STXBP6: variants seen among roughly 807,000 people sequenced by gnomAD.
STXBP6 encodes the protein syntaxin-binding protein 6.
STXBP6 carries 21 observed loss-of-function variants against 26.9 expected under a neutral mutation model. The ratio of observed to expected loss-of-function variants is 0.78; its 90% CI spans 0.55 to 1.12. STXBP6 has a LOEUF of 1.12. Among genes scored for constraint, STXBP6 ranks in the 50% most tolerant of loss-of-function variants. The probability of loss-of-function intolerance (pLI) is 0.00; values close to 1 mark genes in which losing one functional copy is unlikely to be tolerated. For missense variants in STXBP6, 232 were observed against 257.9 expected (o/e 0.90, Z 0.69); for synonymous variants, 97 against 92.6 (o/e 1.05, Z -0.27).
At chr14:24,946,992 T>C (rs9671261) in intron 2 of STXBP6, among the ~76,000 whole-genome samples, 18,340 of 152,054 alleles carry the variant, frequency 0.12, 1,404 homozygotes, top group East Asian at 0.38. Flanking sequence ...AAAAGCTACA[T>C]AGCATGAGTT....
chr14:24,976,852 CTTTTT>C (rs71121808), intron 1 of STXBP6, among the ~76,000 whole-genome samples: 80 of 45,274 alleles, frequency 1.8e-3, no homozygotes, highest in African/African-American at 8.2e-3. Context: ...ACTGGGCGCT[CTTTTT>C]TTTTTTTTTT....
At chr14:24,822,595 C>A (rs527773905) in intron 4 of STXBP6, among the ~76,000 whole-genome samples, 1 of 152,242 alleles carries the variant, frequency 6.6e-6, no homozygotes, top group East Asian at 1.9e-4. Flanking sequence ...GTGGGTTGTG[C>A]CATTTACCTC....
intron 4 of STXBP6, among the ~76,000 whole-genome samples, chr14:24,826,873 T>C (rs911358537): frequency 2.0e-5 from 3 of 152,216 alleles, no homozygotes; most frequent in Non-Finnish European, 2.9e-5. Flanking sequence ...TATGAGCCTA[T>C]GCTTTTTCAT....
At chr14:24,901,781 T>G (rs1040538568) in intron 2 of STXBP6, among the ~76,000 whole-genome samples, 11 of 145,310 alleles carry the variant, frequency 7.6e-5, no homozygotes, top group African/African-American at 2.8e-4. Flanking sequence ...ACTCTGTGAT[T>G]CCACCTATTT....
intron 4 of STXBP6, among the ~76,000 whole-genome samples, chr14:24,840,468 C>T (rs1396752441): frequency 1.3e-5 from 2 of 152,240 alleles, no homozygotes; most frequent in Non-Finnish European, 2.9e-5. Flanking sequence ...GTTTAGCCTT[C>T]TTGCCTTGCT....
chr14:24,952,270 T>G (rs568513074), intron 2 of STXBP6, among the ~76,000 whole-genome samples: 2 of 151,134 alleles, frequency 1.3e-5, no homozygotes, highest in Non-Finnish European at 3.0e-5. Flanking sequence ...TTCAGGCTGC[T>G]CTGCTTAGGG....
At chr14:24,990,754 A>G (rs1402603854) in intron 1 of STXBP6, among the ~76,000 whole-genome samples, 2 of 151,940 alleles carry the variant, frequency 1.3e-5, no homozygotes, top group Non-Finnish European at 2.9e-5. Flanking sequence ...AAGGTCAGTT[A>G]TGCAGAAAGA....
chr14:24,899,799 AG>A (rs757049045), intron 2 of STXBP6, among the ~76,000 whole-genome samples: 10 of 95,162 alleles, frequency 1.1e-4, no homozygotes, highest in Admixed American at 1.5e-4. Context: ...AAAAAAAAAA[AG>A]CAAAAAAAAA....
chr14:24,974,709 G>T lies in STXBP6; in HGVS notation c.110C>A (p.Ala37Glu), dbSNP rs1269182378. The part of the protein sequence containing the change: ...RRTKKKIPFL[A>E]TGGQGEYLTY... ...TAAATATTCGCCTTGACCTCCAGTT[G>T]CCAAGAAAGGAATCTTTTTCTTTGT... is the stretch of plus-strand genomic sequence containing the variant. The change falls in exon 2 of 6, where the codon GCA becomes GAA. Residue 37 changes from alanine to glutamate, a missense_variant. By Grantham distance (107) the Ala-to-Glu change is moderately radical. Transcript: ENST00000323944. 5 of 1,568,722 alleles carry T rather than the reference G, an allele frequency of 3.2e-6. No individual in the cohort carries two copies. The African/African-American group carries it at 6.8e-5, about 21-fold the overall frequency.
At chr14:25,011,103 A>C (rs1229534657) in intron 1 of STXBP6, among the ~76,000 whole-genome samples, 1 of 152,236 alleles carries the variant, frequency 6.6e-6, no homozygotes, top group African/African-American at 2.4e-5. Context: ...TGCAAAATGA[A>C]TTTGTCTATA....
chr14:24,909,751 T>G (rs2071504976), intron 2 of STXBP6, among the ~76,000 whole-genome samples: 1 of 151,268 alleles, frequency 6.6e-6, no homozygotes, highest in African/African-American at 2.4e-5. Flanking sequence ...AGTCTTGCTC[T>G]GCTACCCAGG....
intron 2 of STXBP6, among the ~76,000 whole-genome samples, chr14:24,883,456 G>A (rs1258483225): frequency 1.3e-5 from 2 of 151,892 alleles, no homozygotes; most frequent in East Asian, 1.9e-4. Flanking sequence ...CTATTACTTT[G>A]GTAATTAAAA....
chr14:24,981,820 G>A (rs925568607), intron 1 of STXBP6, among the ~76,000 whole-genome samples: 1 of 152,048 alleles, frequency 6.6e-6, no homozygotes, highest in African/African-American at 2.4e-5. Flanking sequence ...AATCTTCATT[G>A]GTTAAATACA....
chr14:24,813,827 C>T (rs952356736), intron 5 of STXBP6, among the ~76,000 whole-genome samples: 1 of 152,226 alleles, frequency 6.6e-6, no homozygotes, highest in African/African-American at 2.4e-5. Context: ...TCTTCTCTTT[C>T]TCTTCTTGAC....
intron 2 of STXBP6, among the ~76,000 whole-genome samples, chr14:24,934,786 A>G (rs910367572): frequency 2.0e-5 from 3 of 152,170 alleles, no homozygotes; most frequent in Non-Finnish European, 4.4e-5. Context: ...ATTTGTTTAT[A>G]AAATCAATAA....
intron 4 of STXBP6, among the ~76,000 whole-genome samples, chr14:24,824,427 A>G (rs989866864): frequency 6.6e-6 from 1 of 152,204 alleles, no homozygotes; most frequent in Non-Finnish European, 1.5e-5. Flanking sequence ...AATCATGACG[A>G]TATTAGCTTT....
intron 2 of STXBP6, among the ~76,000 whole-genome samples, chr14:24,884,692 T>C (rs1050864150): frequency 6.6e-6 from 1 of 152,216 alleles, no homozygotes; most frequent in African/African-American, 2.4e-5. Flanking sequence ...CGATCTTCAA[T>C]GCTAACTTTC....
At chr14:24,930,269 CAT>C (rs1566485309) in intron 2 of STXBP6, among the ~76,000 whole-genome samples, 2 of 152,152 alleles carry the variant, frequency 1.3e-5, no homozygotes, top group South Asian at 2.1e-4. Context: ...AGAGTATTTT[CAT>C]ATGTTTTTTA....
At chr14:24,849,134 T>G (rs1475796456) in intron 4 of STXBP6, among the ~76,000 whole-genome samples, 3 of 152,064 alleles carry the variant, frequency 2.0e-5, no homozygotes, top group Non-Finnish European at 4.4e-5. Flanking sequence ...GCTTTAAATA[T>G]TTGTACTGTT....
Sources: gnomAD v4.1 joint callset for allele counts (sites outside exome capture counted in the v4.1 genomes callset) on GRCh38, gnomAD v4.1.1 for gene constraint, MANE v1.5 for transcripts, NCBI Gene and HGNC (gene_info 2026-07-23, HGNC 2026-07-21) for gene names.